The following NKAIN2 variants were observed in gnomAD, a reference collection of about 807,000 sequenced individuals.
The protein encoded by NKAIN2 is sodium/potassium transporting ATPase interacting 2.
NKAIN2 carries 14 observed loss-of-function variants against 32.6 expected under a neutral mutation model. The ratio of observed to expected loss-of-function variants is 0.43; its 90% CI spans 0.28 to 0.67. The LOEUF is 0.67. NKAIN2 is among the 30% of genes least tolerant of loss of function. The pLI is 0.17. For synonymous variants in NKAIN2, 80 were observed against 87.2 expected, an observed-to-expected ratio of 0.92 and a Z score of 0.46; for missense variants, 198 against 258.3, an observed-to-expected ratio of 0.77 and a Z score of 1.60.
At chr6:123,867,625 G>A (rs995149395) in intron 1 of NKAIN2, among the ~76,000 whole-genome samples, 2 of 152,170 alleles carry the variant, frequency 1.3e-5, no homozygotes, top group Non-Finnish European at 2.9e-5. Context: ...TGGTTTCCAT[G>A]CTGTTTTATA....
chr6:124,474,005 A>C (rs1777081680), intron 3 of NKAIN2, among the ~76,000 whole-genome samples: 1 of 152,166 alleles, frequency 6.6e-6, no homozygotes, highest in Non-Finnish European at 1.5e-5. Context: ...GTTAACTTCA[A>C]AATCAGCATT....
intron 1 of NKAIN2, among the ~76,000 whole-genome samples, chr6:123,957,728 G>C (rs1777660219): frequency 6.6e-6 from 1 of 152,150 alleles, no homozygotes; most frequent in African/African-American, 2.4e-5. Flanking sequence ...ATTCCTAGAA[G>C]AGGTGTGTCT....
intron 3 of NKAIN2, among the ~76,000 whole-genome samples, chr6:124,654,693 A>G (rs1465135121): frequency 6.6e-6 from 1 of 152,086 alleles, no homozygotes; most frequent in Non-Finnish European, 1.5e-5. Flanking sequence ...ATACAACTGG[A>G]GGCCTTATAT....
chr6:123,948,783 A>G (rs943266461), intron 1 of NKAIN2, among the ~76,000 whole-genome samples: 1 of 151,424 alleles, frequency 6.6e-6, no homozygotes, highest in African/African-American at 2.4e-5. Flanking sequence ...CTCTTTGACT[A>G]TTTTTGCTTC....
At chr6:124,577,340 C>T (rs1438680349) in intron 3 of NKAIN2, among the ~76,000 whole-genome samples, 3 of 152,090 alleles carry the variant, frequency 2.0e-5, no homozygotes, top group Non-Finnish European at 4.4e-5. Flanking sequence ...TGTCACCACC[C>T]CTCCTGCACC....
At chr6:124,395,670 C>A (rs561094720) in intron 3 of NKAIN2, among the ~76,000 whole-genome samples, 2 of 152,218 alleles carry the variant, frequency 1.3e-5, no homozygotes, top group East Asian at 3.9e-4. Context: ...AGATCATTAT[C>A]CCCATTTCAC....
At chr6:124,510,816 T>G (rs1409897462) in intron 3 of NKAIN2, among the ~76,000 whole-genome samples, 2 of 152,172 alleles carry the variant, frequency 1.3e-5, no homozygotes, top group Non-Finnish European at 2.9e-5. Flanking sequence ...CTATTTTTAC[T>G]CACATGTAGA....
intron 2 of NKAIN2, among the ~76,000 whole-genome samples, chr6:124,341,502 T>C (rs1047806470): frequency 6.6e-6 from 1 of 152,178 alleles, no homozygotes; most frequent in Non-Finnish European, 1.5e-5. Flanking sequence ...TTAAATATTT[T>C]CTAGAATAAG....
chr6:124,647,685 T>A (rs1212250432), intron 3 of NKAIN2, among the ~76,000 whole-genome samples: 2 of 152,030 alleles, frequency 1.3e-5, no homozygotes, highest in Non-Finnish European at 2.9e-5. Context: ...ACAGGTTACA[T>A]TTTTTAAAAA....
At chr6:124,451,917 G>C (rs140398107) in intron 3 of NKAIN2, among the ~76,000 whole-genome samples, 306 of 151,536 alleles carry the variant, frequency 2.0e-3, no homozygotes, top group African/African-American at 7.1e-3. Flanking sequence ...CTGGAGGCTC[G>C]ACATGGTGGC....
intron 1 of NKAIN2, among the ~76,000 whole-genome samples, chr6:124,205,413 T>C (rs1790819354): frequency 6.6e-6 from 1 of 151,736 alleles, no homozygotes; most frequent in Admixed American, 6.6e-5. Flanking sequence ...TTATATAATG[T>C]GTCTTATCTT....
At chr6:123,918,288 A>G (rs1457126635) in intron 1 of NKAIN2, among the ~76,000 whole-genome samples, 1 of 152,238 alleles carries the variant, frequency 6.6e-6, no homozygotes, top group Non-Finnish European at 1.5e-5. Flanking sequence ...TTAATAATGC[A>G]GATTAAACTT....
chr6:124,270,190 T>G (rs2114874217), intron 1 of NKAIN2, among the ~76,000 whole-genome samples: 1 of 152,296 alleles, frequency 6.6e-6, no homozygotes, highest in East Asian at 1.9e-4. Context: ...AAACAGCTGA[T>G]GATGGTAATG....
At chr6:123,984,328 T>C (rs1306978526) in intron 1 of NKAIN2, among the ~76,000 whole-genome samples, 1 of 152,180 alleles carries the variant, frequency 6.6e-6, no homozygotes, top group Non-Finnish European at 1.5e-5. Context: ...TACTCAATTT[T>C]TGCATATACT....
At chr6:123,821,096 T>A (rs1773904780) in intron 1 of NKAIN2, among the ~76,000 whole-genome samples, 1 of 152,172 alleles carries the variant, frequency 6.6e-6, no homozygotes, top group Non-Finnish European at 1.5e-5. Flanking sequence ...TTTTAATGAG[T>A]AACATTACAT....
At chr6:124,356,029 T>A (rs535352211) in intron 3 of NKAIN2, among the ~76,000 whole-genome samples, 1 of 152,308 alleles carries the variant, frequency 6.6e-6, no homozygotes, top group Middle Eastern at 3.4e-3. Context: ...TTCAAGGTAG[T>A]AGCAAATTCT....
intron 1 of NKAIN2, among the ~76,000 whole-genome samples, chr6:123,903,599 C>A (rs376242032): frequency 6.6e-6 from 1 of 152,134 alleles, no homozygotes; most frequent in Non-Finnish European, 1.5e-5. Context: ...ACTTAGCCCC[C>A]TTTTTTCTCC....
intron 1 of NKAIN2, among the ~76,000 whole-genome samples, chr6:124,038,326 T>C (rs960773231): frequency 2.0e-4 from 30 of 152,116 alleles, no homozygotes; most frequent in Middle Eastern, 3.4e-3. Flanking sequence ...GTGATTCTCC[T>C]GCCTCAGCCT....
intron 1 of NKAIN2, among the ~76,000 whole-genome samples, chr6:124,091,490 A>G (rs186829486): frequency 5.3e-5 from 8 of 149,950 alleles, no homozygotes; most frequent in Admixed American, 5.3e-4. Context: ...TTTCATACAG[A>G]CAGAGTCTCT....
Sources: allele counts gnomAD v4.1 joint callset (sites outside exome capture counted in the v4.1 genomes callset), GRCh38; gene constraint gnomAD v4.1.1; transcripts MANE v1.5; gene names NCBI Gene and HGNC (gene_info 2026-07-23, HGNC 2026-07-21).